Variants in NRXN3 observed in about 807,000 individuals in gnomAD.
NRXN3 encodes the protein neurexin 3.
Under a neutral mutation model 137.6 loss-of-function variants are expected in NRXN3, and 32 were observed. The ratio of observed to expected loss-of-function variants is 0.23; its 90% CI spans 0.18 to 0.31. NRXN3 has a LOEUF of 0.31. Ranked by LOEUF, NRXN3 falls within the 10% of genes least tolerant of loss-of-function variation. The pLI, the probability that NRXN3 is intolerant of heterozygous loss-of-function variation, is 1.00. For synonymous variants in NRXN3, 798 were observed against 784.5 expected (o/e 1.02, Z -0.29); for missense variants, 1,574 against 2,062.5 (o/e 0.76, Z 4.59).
At chr14:79,572,172 C>T (rs1313416297) in intron 16 of NRXN3, among the ~76,000 whole-genome samples, 1 of 152,086 alleles carries the variant, frequency 6.6e-6, no homozygotes, top group Non-Finnish European at 1.5e-5. Flanking sequence ...ATTACCCACA[C>T]TACACACACA....
intron 10 of NRXN3, among the ~76,000 whole-genome samples, chr14:78,942,990 A>G (rs546666014): frequency 6.6e-6 from 1 of 152,320 alleles, no homozygotes; most frequent in Admixed American, 6.5e-5. Context: ...GGAAAATGGG[A>G]GATGTCTGAG....
At chr14:78,455,325 A>C (rs2094665201) in intron 4 of NRXN3, among the ~76,000 whole-genome samples, 2 of 152,144 alleles carry the variant, frequency 1.3e-5, no homozygotes, top group African/African-American at 4.8e-5. Flanking sequence ...ACCTGGACAC[A>C]CATGCTAAGG....
At chr14:78,630,385 C>T (rs1331512339) in intron 4 of NRXN3, among the ~76,000 whole-genome samples, 1 of 152,004 alleles carries the variant, frequency 6.6e-6, no homozygotes, top group African/African-American at 2.4e-5. Flanking sequence ...TTTTATAAGA[C>T]AGGAAATTAC....
At chr14:79,640,142 T>A (rs1342037187) in intron 16 of NRXN3, among the ~76,000 whole-genome samples, 1 of 135,628 alleles carries the variant, frequency 7.4e-6, no homozygotes, top group Non-Finnish European at 1.7e-5. Flanking sequence ...AACTTAATTT[T>A]CTAAAGTAGT....
intron 15 of NRXN3, among the ~76,000 whole-genome samples, chr14:79,017,731 T>C (rs2099581682): frequency 6.6e-6 from 1 of 152,142 alleles, no homozygotes; most frequent in African/African-American, 2.4e-5. Context: ...ACTTTGGGGA[T>C]TGATGTCTGC....
intron 15 of NRXN3, chr14:79,248,707 A>C (rs1270553030): frequency 6.6e-6 from 1 of 152,240 alleles, no homozygotes; most frequent in Non-Finnish European, 1.5e-5. Context: ...ATGCAGATTC[A>C]GTCACTTGCC....
At chr14:78,970,903 A>G (rs1470289669) in intron 14 of NRXN3, among the ~76,000 whole-genome samples, 1 of 152,158 alleles carries the variant, frequency 6.6e-6, no homozygotes, top group Non-Finnish European at 1.5e-5. Flanking sequence ...TGCCATGGAG[A>G]TAATTACAAC....
chr14:78,226,511 C>G (rs2064694978), intron 1 of NRXN3, among the ~76,000 whole-genome samples: 1 of 152,140 alleles, frequency 6.6e-6, no homozygotes. Flanking sequence ...GTTTTGTTAC[C>G]TTTCAAGCAT....
intron 8 of NRXN3, among the ~76,000 whole-genome samples, chr14:78,739,766 T>C (rs2098556562): frequency 6.6e-6 from 1 of 152,150 alleles, no homozygotes; most frequent in Non-Finnish European, 1.5e-5. Context: ...TCTCCTTGTA[T>C]CTTATGTTCC....
At chr14:79,773,070 A>G (rs1365881200) in intron 19 of NRXN3, among the ~76,000 whole-genome samples, 3 of 152,188 alleles carry the variant, frequency 2.0e-5, no homozygotes, top group African/African-American at 4.8e-5. Flanking sequence ...AATCAAAACC[A>G]CAATGAGATA....
chr14:79,177,537 G>A (rs1213314139), intron 15 of NRXN3, among the ~76,000 whole-genome samples: 1 of 152,138 alleles, frequency 6.6e-6, no homozygotes, highest in Non-Finnish European at 1.5e-5. Flanking sequence ...AATGAATGTG[G>A]AAACAAATAA....
At chr14:78,381,905 T>A (rs1404787700) in intron 4 of NRXN3, among the ~76,000 whole-genome samples, 1 of 152,200 alleles carries the variant, frequency 6.6e-6, no homozygotes, top group Non-Finnish European at 1.5e-5. Context: ...AGTGAACAGG[T>A]TAGTGGTTTC....
intron 3 of NRXN3, among the ~76,000 whole-genome samples, chr14:78,287,478 G>A (rs1445360418): frequency 6.6e-6 from 1 of 152,212 alleles, no homozygotes; most frequent in East Asian, 1.9e-4. Context: ...GTTAGAATCA[G>A]CATTTCAAGG....
chr14:78,503,767 A>G (rs2095926043), intron 4 of NRXN3, among the ~76,000 whole-genome samples: 1 of 152,132 alleles, frequency 6.6e-6, no homozygotes, highest in South Asian at 2.1e-4. Context: ...GAGGAACATC[A>G]TACTAGAGTC....
chr14:79,235,121 T>C (rs937253892), intron 15 of NRXN3, among the ~76,000 whole-genome samples: 1 of 152,160 alleles, frequency 6.6e-6, no homozygotes, highest in Non-Finnish European at 1.5e-5. Flanking sequence ...GTTAGTCTTC[T>C]CTTCAGTATT....
In NRXN3 at chr14:79,535,260, G is replaced by A. The variant is rs947673003; in HGVS notation, c.3444+67858G>A. Among the ~76,000 whole-genome samples, 17 of 152,262 alleles carry A rather than the reference G, an allele frequency of 1.1e-4. No individual in the cohort carries two copies. In the South Asian group the frequency reaches 2.5e-3, roughly 22 times the overall value. ...ATTAATTAATTGTCTGAAAGTGAAAGCATGTTTGTAATTTTGCCCTTGTCA... is the reference window on the plus strand; with the variant it reads ...ATTAATTAATTGTCTGAAAGTGAAAACATGTTTGTAATTTTGCCCTTGTCA... On this transcript the variant is annotated intron_variant, in intron 16 of 20. Transcript: ENST00000335750.
intron 15 of NRXN3, among the ~76,000 whole-genome samples, chr14:79,439,949 T>A (rs1377710673): frequency 3.9e-5 from 6 of 152,228 alleles, no homozygotes; most frequent in Admixed American, 3.3e-4. Flanking sequence ...AGAGATGATA[T>A]ATGCCATTTT....
chr14:79,657,426 A>T (rs977246144), intron 16 of NRXN3, among the ~76,000 whole-genome samples: 1 of 152,152 alleles, frequency 6.6e-6, no homozygotes, highest in African/African-American at 2.4e-5. Flanking sequence ...AAGATCTTCA[A>T]GCTCTACAGC....
rs147851457 is a variant in NRXN3, at chr14:78,481,733, G to A, written c.758-163387G>A. 9.1e-4 allele frequency among the ~76,000 whole-genome samples: 139 copies of A among 152,288 alleles called. 3 individuals are homozygous for A. In the East Asian group the frequency reaches 0.024, roughly 26 times the overall value. ...CAAAAACAATATGAATACTTTCTAT[G>A]GAGAAAAATTGTGGCAGCAACCTGA... On this transcript the variant is annotated intron_variant, in intron 4 of 20. Transcript: ENST00000335750.
Sources: gnomAD v4.1 joint callset for allele counts (sites outside exome capture counted in the v4.1 genomes callset) on GRCh38, gnomAD v4.1.1 for gene constraint, MANE v1.5 for transcripts, NCBI Gene and HGNC (gene_info 2026-07-23, HGNC 2026-07-21) for gene names.